Variants in PDE4D observed in about 807,000 individuals in gnomAD.
PDE4D encodes phosphodiesterase 4D, also known as 3',5'-cyclic-AMP phosphodiesterase 4D.
In PDE4D, 24 loss-of-function variants were observed where a neutral mutation model predicts 87.4. That is an observed-to-expected ratio of 0.27 (90% CI 0.20 to 0.39). The LOEUF is 0.39. PDE4D is among the 10% of genes least tolerant of loss of function. The pLI is 1.00. For missense variants in PDE4D, 714 were observed against 1,041.0 expected, an observed-to-expected ratio of 0.69 and a Z score of 4.32; for synonymous variants, 384 against 383.2, an observed-to-expected ratio of 1.00 and a Z score of -0.02.
intron 1 of PDE4D, among the ~76,000 whole-genome samples, chr5:59,841,603 A>G (rs979420877): frequency 6.6e-6 from 1 of 152,196 alleles, no homozygotes; most frequent in South Asian, 2.1e-4. Context: ...ACAAAAATCT[A>G]TCATGCTAGA....
intron 5 of PDE4D, among the ~76,000 whole-genome samples, chr5:59,103,852 G>T (rs1771148063): frequency 6.6e-6 from 1 of 152,228 alleles, no homozygotes; most frequent in Admixed American, 6.5e-5. Flanking sequence ...AACAGACAGT[G>T]ATGAAGGCAA....
At chr5:59,679,955 G>A (rs1748728724) in intron 1 of PDE4D, among the ~76,000 whole-genome samples, 1 of 152,014 alleles carries the variant, frequency 6.6e-6, no homozygotes, top group Admixed American at 6.5e-5. Flanking sequence ...TCTATTTGCT[G>A]TATCTTTGAG....
intron 5 of PDE4D, among the ~76,000 whole-genome samples, chr5:59,138,561 C>T (rs1314500993): frequency 6.6e-6 from 1 of 152,176 alleles, no homozygotes; most frequent in East Asian, 1.9e-4. Context: ...TCTAAGACTT[C>T]CTACAGAAAG....
intron 1 of PDE4D, among the ~76,000 whole-genome samples, chr5:59,268,759 G>A (rs993349717): frequency 6.6e-6 from 1 of 151,910 alleles, no homozygotes; most frequent in Non-Finnish European, 1.5e-5. Context: ...AATTCTATAT[G>A]TTTAGTATTA....
At chr5:59,990,684 G>A (rs1006019800) in intron 2 of PDE4D, among the ~76,000 whole-genome samples, 19 of 152,228 alleles carry the variant, frequency 1.2e-4, no homozygotes, top group Non-Finnish European at 1.9e-4. Context: ...ATTAAGTAGT[G>A]CCGTGTTTTA....
chr5:60,257,259 AAAGAAAGAG>A (rs1749182586), intron 1 of PDE4D, among the ~76,000 whole-genome samples: 1 of 150,834 alleles, frequency 6.6e-6, no homozygotes, highest in African/African-American at 2.5e-5. Flanking sequence ...AAAGAAAAGA[AAAGAAAGAG>A]AGAAAGAGAA....
intron 1 of PDE4D, among the ~76,000 whole-genome samples, chr5:59,854,779 C>T (rs1745181857): frequency 6.6e-6 from 1 of 152,094 alleles, no homozygotes; most frequent in South Asian, 2.1e-4. Flanking sequence ...AATGCCAACT[C>T]TAATGTGAGT....
At chr5:60,281,641 T>G (rs1033391460) in intron 1 of PDE4D, among the ~76,000 whole-genome samples, 4 of 152,174 alleles carry the variant, frequency 2.6e-5, no homozygotes, top group Non-Finnish European at 2.9e-5. Context: ...GACCAACCCT[T>G]TTTTTAAAAA....
intron 1 of PDE4D, among the ~76,000 whole-genome samples, chr5:59,589,610 T>G (rs1418998320): frequency 1.3e-5 from 2 of 152,328 alleles, no homozygotes; most frequent in East Asian, 3.9e-4. Context: ...TTATCTGACA[T>G]TATTTTCTTA....
chr5:59,347,519 T>C (rs1441004862), intron 1 of PDE4D, among the ~76,000 whole-genome samples: 1 of 152,168 alleles, frequency 6.6e-6, no homozygotes, highest in Non-Finnish European at 1.5e-5. Context: ...TTATGTTTTG[T>C]AGGCAGACAC....
chr5:59,299,105 TTATTATTACAAAGACCAG>T, intron 1 of PDE4D, among the ~76,000 whole-genome samples: 1 of 152,300 alleles, frequency 6.6e-6, no homozygotes, highest in South Asian at 2.1e-4. Context: ...CTCTCAAAGC[TTATTATTACAAAGACCAG>T]TAGCTCCTTG....
At chr5:59,771,433 AAAAGAAAGAAAG>A (rs745783951) in intron 1 of PDE4D, among the ~76,000 whole-genome samples, 17 of 93,898 alleles carry the variant, frequency 1.8e-4, no homozygotes, top group East Asian at 3.3e-4. Flanking sequence ...AAGAAAAAGA[AAAAGAAAGAAAG>A]AAAGAAAGAA....
intron 3 of PDE4D, among the ~76,000 whole-genome samples, chr5:59,941,237 A>ATGTTCGTG (rs1757147091): frequency 1.3e-5 from 2 of 152,188 alleles, no homozygotes; most frequent in Admixed American, 6.5e-5. Context: ...CATGAGAGTG[A>ATGTTCGTG]TGTTCGTGTG....
chr5:59,001,838 T>C (rs531357167), intron 6 of PDE4D, among the ~76,000 whole-genome samples: 46 of 152,370 alleles, frequency 3.0e-4, no homozygotes, highest in African/African-American at 1.1e-3. Flanking sequence ...TCAGTGAGCC[T>C]ATATTTCTTC....
chr5:59,427,958 C>T lies in PDE4D; in HGVS notation c.456-211990G>A, dbSNP rs765962522. ...AGGCTACCAAAAATTAAAAGGAAAA[C>T]ATTTTTAAATCGCAAATATAGAAAG... is the stretch of plus-strand genomic sequence containing the variant. On this transcript the variant is annotated intron_variant, in intron 1 of 14. Transcript: ENST00000340635. 3.3e-5 allele frequency among the ~76,000 whole-genome samples: 5 copies of T among 151,646 alleles called. No individual in the cohort carries two copies. In the South Asian group the frequency reaches 6.2e-4, roughly 19 times the overall value.
rs552361458 is a variant in PDE4D at position 59,806,614 on chromosome 5, G to A, written c.455+86554C>T. Among the ~76,000 whole-genome samples the A allele has an allele frequency of 2.2e-4, 34 of 152,246 alleles. 1 individual carries two copies. In the South Asian group the frequency reaches 4.1e-3, roughly 19 times the overall value. The stretch of plus-strand genomic sequence containing the variant: ...TGTGAAATTAATCTCTTTTATTCAA[G>A]TTTATTATTTCTTGAATCTAAAAGT... On this transcript the variant is annotated intron_variant, in intron 1 of 14. Transcript: ENST00000340635.
At chr5:59,518,801 AGTT>A (rs536699895) in intron 1 of PDE4D, among the ~76,000 whole-genome samples, 189 of 152,298 alleles carry the variant, frequency 1.2e-3, no homozygotes, top group Admixed American at 2.8e-3. Flanking sequence ...GTAATAGACT[AGTT>A]TTTTAAAAAC....
chr5:59,118,757 C>T (rs1314211018), intron 5 of PDE4D, among the ~76,000 whole-genome samples: 1 of 152,200 alleles, frequency 6.6e-6, no homozygotes, highest in African/African-American at 2.4e-5. Flanking sequence ...TTCTGCCCTG[C>T]TTCCACACCA....
intron 1 of PDE4D, among the ~76,000 whole-genome samples, chr5:60,365,450 C>A (rs935472899): frequency 1.3e-5 from 2 of 152,134 alleles, no homozygotes; most frequent in African/African-American, 4.8e-5. Context: ...TGTCAAGTCC[C>A]TACCACTCCT....
Sources: gnomAD v4.1 joint callset for allele counts (sites outside exome capture counted in the v4.1 genomes callset) on GRCh38, gnomAD v4.1.1 for gene constraint, MANE v1.5 for transcripts, NCBI Gene and HGNC (gene_info 2026-07-23, HGNC 2026-07-21) for gene names.